DNAH10: variants seen among roughly 807,000 people sequenced by gnomAD.
The protein encoded by DNAH10 is dynein axonemal heavy chain 10, also known as axonemal beta dynein heavy chain 10.
DNAH10 carries 348 observed loss-of-function variants against 506.6 expected under a neutral mutation model. The observed-to-expected ratio is 0.69, with a 90% CI of 0.63 to 0.75. DNAH10 has a LOEUF of 0.75. Ranked by LOEUF, DNAH10 falls within the 30% of genes least tolerant of loss-of-function variation. The pLI is 0.00. For missense variants in DNAH10, 5,179 were observed against 5,787.1 expected (o/e 0.89, Z 3.41); for synonymous variants, 2,059 against 2,198.6 (o/e 0.94, Z 1.78).
chr12:123,913,339 C>T lies in DNAH10; in HGVS notation c.10352+24C>T. On this transcript the variant is annotated intron_variant, in intron 60 of 78. Transcript: ENST00000673944. The surrounding 1 kb of genome is among the most constrained non-coding windows in gnomAD (Gnocchi z 5.1). ...AGGTTAGCGCTGCTCACGAGCCCACCTGTTGCGGTTTGTAAACGGACGTCA... is the reference window on the plus strand; with the variant it reads ...AGGTTAGCGCTGCTCACGAGCCCACTTGTTGCGGTTTGTAAACGGACGTCA... 6.5e-7 allele frequency: 1 copy of T among 1,547,998 alleles called. No homozygotes were observed. The highest frequency in any genetic ancestry group is 8.7e-7 in the Non-Finnish European group (1 of 1,145,498).
intron 36 of DNAH10, 126 bp from the exon 37 acceptor site, chr12:123,856,930 A>G (rs1951415837): frequency 1.9e-6 from 1 of 540,528 alleles, no homozygotes; most frequent in African/African-American, 2.0e-5. Context: ...GTTAAAAATA[A>G]TAAAATGTTT....
At chr12:123,899,700 G>A (rs1314576637) in intron 56 of DNAH10, among the ~76,000 whole-genome samples, 1 of 152,190 alleles carries the variant, frequency 6.6e-6, no homozygotes, top group Admixed American at 6.5e-5. Context: ...AAAGACTGAA[G>A]ATTATTTGTG....
In DNAH10 at chr12:123,929,433, T is replaced by G. The variant is rs956387761; in HGVS notation, c.12465T>G (p.Phe4155Leu). 2 of 1,613,806 alleles carry G rather than the reference T, an allele frequency of 1.2e-6. No individual in the cohort carries two copies. Among genetic ancestry groups the G allele is most frequent in the Non-Finnish European group, 1.7e-6 (2 of 1,179,856 alleles). The change falls in exon 71 of 79, where the codon TTT becomes TTG. Residue 4155 changes from phenylalanine to leucine, a missense_variant. Transcript: ENST00000673944. Reference sequence around the variant, plus strand: ...CTGTGGTGCAGGAGAGAAGGAAGTTTGGGAAGATTGGCTGGAACGTGTACT... The same window carrying G: ...CTGTGGTGCAGGAGAGAAGGAAGTTGGGGAAGATTGGCTGGAACGTGTACT... ...FHAVVQERRK[F>L]GKIGWNVYYD...
intron 8 of DNAH10, 54 bp downstream of exon 8, chr12:123,784,231 G>T: frequency 2.6e-6 from 4 of 1,540,718 alleles, no homozygotes; most frequent in East Asian, 2.3e-5. Flanking sequence ...GATTTCATAT[G>T]ATTTAATTTC....
chr12:123,887,869 C>T (rs1233066755), intron 52 of DNAH10, among the ~76,000 whole-genome samples: 2 of 152,158 alleles, frequency 1.3e-5, no homozygotes, highest in African/African-American at 2.4e-5. Flanking sequence ...CTCAGCCTCC[C>T]GAGTAGCTGG....
At chr12:123,884,967 G>A (rs973676220) in intron 51 of DNAH10, among the ~76,000 whole-genome samples, 3 of 152,094 alleles carry the variant, frequency 2.0e-5, no homozygotes, top group Admixed American at 6.5e-5. Context: ...GGGAACCAAC[G>A]GAATAATGTA....
intron 25 of DNAH10, among the ~76,000 whole-genome samples, chr12:123,827,783 A>T (rs1354236975): frequency 1.3e-5 from 2 of 152,084 alleles, no homozygotes; most frequent in East Asian, 3.9e-4. Context: ...TGTTTTCAAC[A>T]CCTGTTACAT....
intron 30 of DNAH10, among the ~76,000 whole-genome samples, chr12:123,844,707 C>T (rs189823420): frequency 6.6e-4 from 101 of 152,198 alleles, no homozygotes; most frequent in Middle Eastern, 3.4e-3. Context: ...GATGCGAGCT[C>T]GGCTCACTGA....
chr12:123,823,561 A>G (rs1463264587), intron 24 of DNAH10, among the ~76,000 whole-genome samples: 4 of 152,234 alleles, frequency 2.6e-5, no homozygotes, highest in Non-Finnish European at 5.9e-5. Flanking sequence ...TTAAAAGGAA[A>G]GGTATCATGA....
At chr12:123,852,381 A>G (rs76482851) in intron 35 of DNAH10, among the ~76,000 whole-genome samples, 9,521 of 152,252 alleles carry the variant, frequency 0.063, 770 homozygotes, top group African/African-American at 0.18. Context: ...GGGTTGTCAC[A>G]TTGCGTTTCT....
rs140635724 is a variant in DNAH10 at position 123,929,713 on chromosome 12, G to A, written c.12566G>A (p.Arg4189Gln). The change falls in exon 72 of 79, where the codon CGG becomes CAG. Residue 4189 changes from arginine (R) to glutamine (Q), a missense_variant. Physicochemically the swap from Arg to Gln is conservative, Grantham distance 43. Coordinates refer to ENST00000673944, the MANE Select transcript of DNAH10 (RefSeq NM_001372106.1). ...TACTTAACGAAAGCCTTCCAGCAAC[G>A]GGACCCAAGGATCCCGTGGGGCAGC... The part of the protein sequence containing the change: ...NTYLTKAFQQ[R>Q]DPRIPWGSLK... 1,096 of 1,613,554 alleles carry A rather than the reference G, an allele frequency of 6.8e-4. No homozygotes were observed. The highest frequency in any genetic ancestry group is 8.5e-4 in the Non-Finnish European group (1,004 of 1,179,754).
chr12:123,767,417 C>CT (rs1398322367), intron 1 of DNAH10, among the ~76,000 whole-genome samples, 189 bp from the exon 2 acceptor site: 1 of 152,174 alleles, frequency 6.6e-6, no homozygotes, highest in African/African-American at 2.4e-5. Flanking sequence ...AGAATTTGCA[C>CT]AAACCTCCTT....
intron 5 of DNAH10, among the ~76,000 whole-genome samples, chr12:123,776,602 C>CT (rs1035148685): frequency 1.3e-5 from 2 of 149,168 alleles, no homozygotes; most frequent in African/African-American, 5.0e-5. Context: ...TGCCACTGCA[C>CT]TACAGCCTGG....
intron 36 of DNAH10, among the ~76,000 whole-genome samples, chr12:123,855,157 G>A (rs959472472): frequency 6.6e-6 from 1 of 152,120 alleles, no homozygotes; most frequent in African/African-American, 2.4e-5. Context: ...CAGAACAAAA[G>A]GAAAAGTGGC....
chr12:123,914,703 C>G, intron 61 of DNAH10, 149 bp from the exon 62 acceptor site: 1 of 1,398,350 alleles, frequency 7.2e-7, no homozygotes. Flanking sequence ...AGCTGCAAAC[C>G]CAGCACGGAG....
Position 123,818,998 on chromosome 12 carries a change from T to C in DNAH10, c.3829T>C (p.Ser1277Pro). The part of the protein sequence containing the change: ...ELVDKIESIW[S>P]NLFNDSVNVE... The stretch of plus-strand genomic sequence containing the variant: ...GGTTGATAAGATTGAGAGCATATGG[T>C]CCAATCTGTTTAATGATTCAGTGAA... Residue 1277 changes from serine (S) to proline (P), a missense_variant, in exon 22 of 79, where the codon TCC becomes CCC. Coordinates refer to ENST00000673944, the MANE Select transcript of DNAH10 (RefSeq NM_001372106.1). 6.2e-7 allele frequency: 1 copy of C among 1,608,382 alleles called. No individual in the cohort carries two copies. Among genetic ancestry groups the C allele is most frequent in the South Asian group, 1.1e-5 (1 of 89,400 alleles).
At chr12:123,886,725 T>C (rs1473147866) in intron 51 of DNAH10, among the ~76,000 whole-genome samples, 2 of 152,202 alleles carry the variant, frequency 1.3e-5, no homozygotes, top group Non-Finnish European at 2.9e-5. Flanking sequence ...AATTTCTGCT[T>C]CTGAGCTAAA....
chr12:123,793,371 C>G (rs1229821837), intron 11 of DNAH10, among the ~76,000 whole-genome samples: 2 of 118,222 alleles, frequency 1.7e-5, no homozygotes, highest in Non-Finnish European at 3.6e-5. Flanking sequence ...TGGAGTCTCG[C>G]TCTGTCGCCC....
In DNAH10 at chr12:123,929,692, T is replaced by C; in HGVS notation, c.12545T>C (p.Leu4182Ser). Residue 4182 changes from leucine (L) to serine (S), a missense_variant, in exon 72 of 79, where the codon TTA becomes TCA. This residue lies in a region of DNAH10 where 4,844 missense variants were observed against 5,430.5 expected (regional missense o/e 0.89). Coordinates refer to ENST00000673944, the MANE Select transcript of DNAH10 (RefSeq NM_001372106.1). Reference protein sequence around the residue: ...QVCMEILNTYLTKAFQQRDPR... With the variant: ...QVCMEILNTYSTKAFQQRDPR... The stretch of plus-strand genomic sequence containing the variant: ...TGCATGGAAATTCTGAACACGTACT[T>C]AACGAAAGCCTTCCAGCAACGGGAC... 1 of 1,613,604 alleles carries C rather than the reference T, an allele frequency of 6.2e-7. No individual in the cohort carries two copies. The highest frequency in any genetic ancestry group is 8.5e-7 in the Non-Finnish European group (1 of 1,179,728).
Sources: gnomAD v4.1 joint callset for allele counts (sites outside exome capture counted in the v4.1 genomes callset) on GRCh38, gnomAD v4.1.1 for gene constraint, gnomAD v4.1.1 regional missense constraint, Gnocchi (gnomAD v3.1) non-coding constraint, MANE v1.5 for transcripts, NCBI Gene and HGNC (gene_info 2026-07-23, HGNC 2026-07-21) for gene names.